Variants in ITPR1 observed in about 807,000 individuals in gnomAD.
ITPR1 encodes inositol 1,4,5-trisphosphate-gated calcium channel ITPR1.
Under a neutral mutation model 318.4 loss-of-function variants are expected in ITPR1, and 96 were observed. The observed-to-expected ratio is 0.30, with a 90% CI of 0.26 to 0.36. ITPR1 has a LOEUF of 0.36. ITPR1 is among the 10% of genes least tolerant of loss of function. The probability of loss-of-function intolerance (pLI) is 1.00; values close to 1 mark genes in which losing one functional copy is unlikely to be tolerated. For missense variants in ITPR1, 2,440 were observed against 3,460.2 expected (o/e 0.71, Z 7.40); for synonymous variants, 1,312 against 1,289.9 (o/e 1.02, Z -0.37).
chr3:4,564,870 T>C (rs1333591335), intron 4 of ITPR1, among the ~76,000 whole-genome samples: 1 of 152,176 alleles, frequency 6.6e-6, no homozygotes, highest in Non-Finnish European at 1.5e-5. Flanking sequence ...TTTCCAGCGC[T>C]AGACAAATTC....
chr3:4,581,961 A>G (rs11927634), intron 4 of ITPR1, among the ~76,000 whole-genome samples: 10 of 137,462 alleles, frequency 7.3e-5, no homozygotes, highest in African/African-American at 2.1e-4. Flanking sequence ...TTTTTTTTTT[A>G]AAAAGGAAAA....
At chr3:4,656,583 T>TA (rs1449201575) in intron 12 of ITPR1, among the ~76,000 whole-genome samples, 3 of 152,234 alleles carry the variant, frequency 2.0e-5, no homozygotes, top group South Asian at 2.1e-4. Context: ...GAACCTTTTT[T>TA]AAAAAAACAC....
In ITPR1 at chr3:4,699,873, G is replaced by A. The variant is rs746643770; in HGVS notation, c.4468G>A (p.Glu1490Lys). The part of the protein sequence containing the change: ...ADSILEKYVT[E>K]IVMSIVTTFF... ...CTCGATTTTGGAGAAGTATGTCACCGAAATCGTCATGAGTATTGTTACTAC... is the reference window on the plus strand; with the variant it reads ...CTCGATTTTGGAGAAGTATGTCACCAAAATCGTCATGAGTATTGTTACTAC... The change falls in exon 35 of 62, where the codon GAA (glutamate) becomes AAA (lysine). Residue 1490 changes from glutamate to lysine, a missense_variant. Physicochemically the swap from Glu to Lys is moderately conservative, Grantham distance 56. Around this residue, in one of 23 missense-constraint regions of ITPR1, gnomAD observed 73 missense variants for 59.5 expected, o/e 1.23. Transcript: ENST00000649015. The A allele has an allele frequency of 1.7e-5, 28 of 1,613,216 alleles. No homozygotes were observed. Among genetic ancestry groups the A allele is most frequent in the Admixed American group, 1.3e-4 (8 of 59,992 alleles).
At chr3:4,672,721 G>T (rs1345004708) in intron 20 of ITPR1, among the ~76,000 whole-genome samples, 1 of 152,170 alleles carries the variant, frequency 6.6e-6, no homozygotes, top group African/African-American at 2.4e-5. Context: ...TAATTAGGCT[G>T]AATATGTGTG....
At chr3:4,504,040 T>C (rs2081229730) in intron 2 of ITPR1, among the ~76,000 whole-genome samples, 1 of 152,132 alleles carries the variant, frequency 6.6e-6, no homozygotes, top group African/African-American at 2.4e-5. Context: ...AGGTTTGTTT[T>C]TTCTACCCGT....
chr3:4,834,522 T>C (rs1028867319), intron 60 of ITPR1, among the ~76,000 whole-genome samples: 4 of 152,188 alleles, frequency 2.6e-5, no homozygotes, highest in African/African-American at 9.7e-5. Context: ...CCAGCCCACG[T>C]CATCCCTCCT....
chr3:4,796,682 C>T (rs2047919402), intron 53 of ITPR1, among the ~76,000 whole-genome samples: 1 of 152,108 alleles, frequency 6.6e-6, no homozygotes, highest in African/African-American at 2.4e-5. Context: ...AGTTAACAGC[C>T]CCCCACCCTT....
chr3:4,571,124 C>T (rs1308052663), intron 4 of ITPR1, among the ~76,000 whole-genome samples: 2 of 152,144 alleles, frequency 1.3e-5, no homozygotes, highest in African/African-American at 2.4e-5. Flanking sequence ...CTGACCAAAG[C>T]ATGTCTCTTT....
chr3:4,780,217 C>A (rs964653093), intron 49 of ITPR1, among the ~76,000 whole-genome samples: 1 of 152,192 alleles, frequency 6.6e-6, no homozygotes, highest in Non-Finnish European at 1.5e-5. Context: ...GCACCTGATA[C>A]ACCCTTAATG....
rs374156463 is a variant in ITPR1, at chr3:4,711,809, A to G, written c.5044A>G (p.Ile1682Val). 3 of 1,554,172 alleles carry G rather than the reference A, an allele frequency of 1.9e-6. No homozygotes were observed. The highest frequency in any genetic ancestry group is 1.2e-5 in the South Asian group (1 of 84,104). ...AGAAGAAAATGAAGAGAAGCTCTGC[A>G]TTAAGGTCCTACAGACCCTGAGGGA... Reference protein sequence around the residue: ...LLEENEEKLCIKVLQTLREMM... With the variant: ...LLEENEEKLCVKVLQTLREMM... The change falls in exon 39 of 62, where the codon ATT becomes GTT. Residue 1682 changes from isoleucine (I) to valine (V), a missense_variant. Around this residue, in one of 23 missense-constraint regions of ITPR1, gnomAD observed 166 missense variants for 246.5 expected, o/e 0.67. Coordinates refer to ENST00000649015, the MANE Select transcript of ITPR1 (RefSeq NM_001378452.1).
intron 54 of ITPR1, among the ~76,000 whole-genome samples, chr3:4,802,439 A>G (rs2048291704): frequency 6.6e-6 from 1 of 152,172 alleles, no homozygotes; most frequent in Non-Finnish European, 1.5e-5. Context: ...GAGGCTTTTT[A>G]GGGGCTGTAG....
chr3:4,710,818 C>T lies in ITPR1; in HGVS notation c.4991+345C>T, dbSNP rs748856591. ...CTCAGAAATCTCAGATCTATCGTGA[C>T]CTCACCATCTTTTCCTAATAATTTT... is the stretch of plus-strand genomic sequence containing the variant. On this transcript the variant is annotated intron_variant, in intron 38 of 61. Coordinates refer to ENST00000649015, the MANE Select transcript of ITPR1 (RefSeq NM_001378452.1). The surrounding 1 kb of genome is among the most constrained non-coding windows in gnomAD (Gnocchi z 4.2). Among the ~76,000 whole-genome samples the T allele has an allele frequency of 6.6e-6, 1 of 152,166 alleles. No homozygotes were observed. Among genetic ancestry groups the T allele is most frequent in the African/African-American group, 2.4e-5 (1 of 41,432 alleles).
At chr3:4,544,117 T>C (rs1038641359) in intron 4 of ITPR1, among the ~76,000 whole-genome samples, 1 of 152,196 alleles carries the variant, frequency 6.6e-6, no homozygotes, top group Non-Finnish European at 1.5e-5. Context: ...TTAGTCAAAA[T>C]TGGGTTTAAT....
At chr3:4,561,802 CTA>C (rs1225435652) in intron 4 of ITPR1, among the ~76,000 whole-genome samples, 2 of 151,954 alleles carry the variant, frequency 1.3e-5, no homozygotes, top group Non-Finnish European at 2.9e-5. Flanking sequence ...CTGCCAATAA[CTA>C]TTTTAAAATA....
intron 44 of ITPR1, among the ~76,000 whole-genome samples, chr3:4,763,845 G>A (rs1433875801): frequency 6.6e-6 from 1 of 152,254 alleles, no homozygotes; most frequent in African/African-American, 2.4e-5. Context: ...GCGGTCCGTG[G>A]CAGGCTATCT....
chr3:4,835,520 C>T (rs1176839286), intron 60 of ITPR1, among the ~76,000 whole-genome samples: 1 of 152,106 alleles, frequency 6.6e-6, no homozygotes, highest in African/African-American at 2.4e-5. Flanking sequence ...ATGTCGCCGA[C>T]CCCCACGGTG....
chr3:4,674,482 G>A, intron 22 of ITPR1, 139 bp downstream of exon 22: 1 of 682,598 alleles, frequency 1.5e-6, no homozygotes, highest in East Asian at 3.0e-5. Context: ...AATTCAGCTT[G>A]GTTTTGTTCC....
chr3:4,652,106 G>A lies in ITPR1; in HGVS notation c.856-17G>A. ...GTAGGTTGACATTTCATTGACTCCT[G>A]TTGATCATTCTTGCAGGTGGTCCAG... On this transcript the variant is annotated splice_polypyrimidine_tract_variant and intron_variant, in intron 10 of 61. Coordinates refer to ENST00000649015, the MANE Select transcript of ITPR1 (RefSeq NM_001378452.1). 10 of 1,593,946 alleles carry A rather than the reference G, an allele frequency of 6.3e-6. No homozygotes were observed. The highest frequency in any genetic ancestry group is 2.3e-5 in the South Asian group (2 of 88,820).
intron 60 of ITPR1, among the ~76,000 whole-genome samples, chr3:4,823,451 C>T (rs1450293712): frequency 1.3e-5 from 2 of 152,068 alleles, no homozygotes; most frequent in African/African-American, 2.4e-5. Flanking sequence ...GGTATATAGA[C>T]ACAGTGGAAT....
Sources: allele counts gnomAD v4.1 joint callset (sites outside exome capture counted in the v4.1 genomes callset), GRCh38; gene constraint gnomAD v4.1.1; regional missense constraint gnomAD v4.1.1; non-coding constraint Gnocchi (gnomAD v3.1); transcripts MANE v1.5; gene names NCBI Gene and HGNC (gene_info 2026-07-23, HGNC 2026-07-21).